FAM53B: variants seen among roughly 807,000 people sequenced by gnomAD.
FAM53B encodes protein FAM53B.
FAM53B carries 12 observed loss-of-function variants against 32.7 expected under a neutral mutation model. The observed-to-expected ratio is 0.37, with a 90% CI of 0.24 to 0.59. The LOEUF (loss-of-function observed/expected upper bound fraction) is 0.59. Ranked by LOEUF, FAM53B falls within the 20% of genes least tolerant of loss-of-function variation. FAM53B has a pLI of 0.72. For synonymous variants in FAM53B, 234 were observed against 228.7 expected (o/e 1.02, Z -0.21); for missense variants, 477 against 577.7 (o/e 0.83, Z 1.79).
intron 2 of FAM53B, among the ~76,000 whole-genome samples, chr10:124,701,090 C>T (rs902493821): frequency 3.9e-5 from 6 of 152,238 alleles, no homozygotes; most frequent in African/African-American, 1.2e-4. Flanking sequence ...GGTATCTCTG[C>T]CTGCCCAGGG....
intron 4 of FAM53B, among the ~76,000 whole-genome samples, chr10:124,634,481 A>G (rs887706865): frequency 2.0e-5 from 3 of 152,232 alleles, no homozygotes; most frequent in African/African-American, 7.2e-5. Context: ...AGTTACCTTC[A>G]TGCTACTCTT....
At chr10:124,652,704 A>G (rs1317945696) in intron 4 of FAM53B, among the ~76,000 whole-genome samples, 7 of 152,192 alleles carry the variant, frequency 4.6e-5, no homozygotes, top group Admixed American at 6.5e-5. Context: ...CTTGTGGTGG[A>G]GGGCCTGAAG....
Position 124,651,719 on chromosome 10 carries a change from C to A in FAM53B, c.907-28115G>T, listed in dbSNP as rs889253682. 6.6e-6 allele frequency among the ~76,000 whole-genome samples: 1 copy of A among 152,228 alleles called. No homozygotes were observed. Among genetic ancestry groups the A allele is most frequent in the African/African-American group, 2.4e-5 (1 of 41,466 alleles). ...CCTGCCTGCTCTGGAGGGTCAAGGT[C>A]AGCAGAGCCCCACAGATGTCTAGCC... On this transcript the variant is annotated intron_variant, in intron 4 of 4. Coordinates refer to ENST00000337318, the MANE Select transcript of FAM53B (RefSeq NM_014661.4). This position sits in a 1 kb window ranked among gnomAD's most constrained non-coding sequence, Gnocchi z 5.2.
At chr10:124,671,029 C>T (rs1949704473) in intron 4 of FAM53B, 1 of 411,560 alleles carries the variant, frequency 2.4e-6, no homozygotes, top group Non-Finnish European at 5.1e-6. Flanking sequence ...TCTCCCGCCC[C>T]GCTGGAGAAC....
intron 1 of FAM53B, among the ~76,000 whole-genome samples, chr10:124,721,553 T>C (rs994743887): frequency 1.3e-5 from 2 of 152,178 alleles, no homozygotes; most frequent in African/African-American, 4.8e-5. Flanking sequence ...TGGGCGAACC[T>C]TGCTTCCAGA....
chr10:124,728,490 C>T (rs770643959), intron 1 of FAM53B, among the ~76,000 whole-genome samples: 19 of 151,944 alleles, frequency 1.3e-4, no homozygotes, highest in African/African-American at 3.1e-4. Flanking sequence ...TTCTAACACA[C>T]GCAAGTAAAC....
At chr10:124,675,457 G>A (rs1949731181) in intron 4 of FAM53B, among the ~76,000 whole-genome samples, 1 of 152,202 alleles carries the variant, frequency 6.6e-6, no homozygotes, top group Non-Finnish European at 1.5e-5. Flanking sequence ...ACAGAAGAAA[G>A]GCTGCAGCAG....
chr10:124,634,846 T>C (rs1564862794), intron 4 of FAM53B, among the ~76,000 whole-genome samples: 1 of 152,112 alleles, frequency 6.6e-6, no homozygotes, highest in Non-Finnish European at 1.5e-5. Flanking sequence ...GTTCTAAAAT[T>C]GATTGTGGTG....
intron 1 of FAM53B, among the ~76,000 whole-genome samples, chr10:124,727,997 C>G (rs1229105664): frequency 6.6e-6 from 1 of 152,148 alleles, no homozygotes; most frequent in Non-Finnish European, 1.5e-5. Flanking sequence ...GCCCCCAGAC[C>G]CAGACCACCA....
intron 4 of FAM53B, among the ~76,000 whole-genome samples, chr10:124,638,659 A>C (rs1949449419): frequency 6.6e-6 from 1 of 152,128 alleles, no homozygotes; most frequent in African/African-American, 2.4e-5. Flanking sequence ...CCCCACCCAC[A>C]AACAGTCCAT....
chr10:124,633,430 CA>C (rs1419261370), intron 4 of FAM53B, among the ~76,000 whole-genome samples: 2 of 152,072 alleles, frequency 1.3e-5, no homozygotes, highest in African/African-American at 4.8e-5. Context: ...GGTCTTAAGA[CA>C]GACTAATTTT....
intron 3 of FAM53B, among the ~76,000 whole-genome samples, chr10:124,687,263 G>A (rs531367575): frequency 2.4e-4 from 36 of 152,116 alleles, no homozygotes; most frequent in Non-Finnish European, 3.5e-4. Flanking sequence ...GTAGGCCTCC[G>A]AGAAGAGGAT....
Position 124,674,911 on chromosome 10 carries a change from C to T in FAM53B, c.906+6696G>A, listed in dbSNP as rs560818340. On this transcript the variant is annotated intron_variant, in intron 4 of 4. Transcript: ENST00000337318. ...AGCATGGCCGGGGCTCTCATCTGAG[C>T]GGCTGGCTTAGGAAAGGGCCCCTAC... Among the ~76,000 whole-genome samples, 9 of 152,322 alleles carry T rather than the reference C, an allele frequency of 5.9e-5. No homozygotes were observed. The South Asian group carries it at 1.5e-3, about 25-fold the overall frequency.
chr10:124,641,793 C>T (rs769764316), intron 4 of FAM53B, among the ~76,000 whole-genome samples: 1 of 152,168 alleles, frequency 6.6e-6, no homozygotes, highest in African/African-American at 2.4e-5. Context: ...CTTATTAAGA[C>T]GGCAAGCACT....
chr10:124,679,142 C>T (rs1339892500), intron 4 of FAM53B, among the ~76,000 whole-genome samples: 2 of 152,192 alleles, frequency 1.3e-5, no homozygotes, highest in Non-Finnish European at 2.9e-5. Flanking sequence ...CAGAGCCCAG[C>T]GGAAGGAAGC....
At chr10:124,716,020 C>T (rs2134093066) in intron 1 of FAM53B, among the ~76,000 whole-genome samples, 1 of 152,346 alleles carries the variant, frequency 6.6e-6, no homozygotes, top group African/African-American at 2.4e-5. Flanking sequence ...CCTCCAAGCA[C>T]CTTGCTCCTG....
intron 4 of FAM53B, among the ~76,000 whole-genome samples, chr10:124,642,929 C>A (rs1949486573): frequency 6.6e-6 from 1 of 152,228 alleles, no homozygotes; most frequent in Admixed American, 6.5e-5. Context: ...ACCACTGTCT[C>A]CTCTAAGTAA....
chr10:124,652,978 C>T (rs980299274), intron 4 of FAM53B, among the ~76,000 whole-genome samples: 7 of 152,186 alleles, frequency 4.6e-5, no homozygotes, highest in African/African-American at 1.7e-4. Flanking sequence ...CTTGTGCACC[C>T]AGATGCCTTG....
At chr10:124,670,906 G>T (rs917069828) in intron 4 of FAM53B, among the ~76,000 whole-genome samples, 6 of 152,206 alleles carry the variant, frequency 3.9e-5, no homozygotes, top group Non-Finnish European at 7.3e-5. Context: ...CCCCCTTTCT[G>T]CATTGCAGAA....
Sources: allele counts gnomAD v4.1 joint callset (sites outside exome capture counted in the v4.1 genomes callset), GRCh38; gene constraint gnomAD v4.1.1; non-coding constraint Gnocchi (gnomAD v3.1); transcripts MANE v1.5; gene names NCBI Gene and HGNC (gene_info 2026-07-23, HGNC 2026-07-21).